The following WFDC5 variants were observed in gnomAD, a reference collection of about 807,000 sequenced individuals.
The protein encoded by WFDC5 is WAP four-disulfide core domain 5.
In WFDC5, 15 loss-of-function variants were observed where a neutral mutation model predicts 15.7. The observed-to-expected ratio is 0.96, with a 90% confidence interval of 0.64 to 1.47. The LOEUF (loss-of-function observed/expected upper bound fraction) is 1.47. WFDC5 is among the 40% of genes most tolerant of loss of function. The probability of loss-of-function intolerance (pLI) is 0.00; values close to 1 mark genes in which losing one functional copy is unlikely to be tolerated. For missense variants in WFDC5, 280 were observed against 258.0 expected, an observed-to-expected ratio of 1.09 and a Z score of -0.59; for synonymous variants, 109 against 107.7, an observed-to-expected ratio of 1.01 and a Z score of -0.07.
chr20:45,110,822 A>G (rs1216662992), intron 1 of WFDC5, 47 bp from the exon 2 acceptor site: 1 of 1,609,736 alleles, frequency 6.2e-7, no homozygotes, highest in African/African-American at 1.3e-5. Flanking sequence ...GCTCACGGTT[A>G]TGTAATAAGC....
At chr20:45,110,740 A>G (rs748573274) in exon 2 of WFDC5, 10 of 1,613,684 alleles carry the variant, frequency 6.2e-6, no homozygotes, top group Non-Finnish European at 6.8e-6. Flanking sequence ...GATAGGAGGC[A>G]GGGCCCATCA....
At chr20:45,110,050 T>A in intron 3 of WFDC5, 37 bp from the exon 4 acceptor site, 1 of 1,600,754 alleles carries the variant, frequency 6.2e-7, no homozygotes. Flanking sequence ...TTCCTTCCCA[T>A]AATAGGGCTC....
chr20:45,115,737 A>G (rs1030125295), upstream of WFDC5, among the ~76,000 whole-genome samples: 3 of 152,062 alleles, frequency 2.0e-5, no homozygotes, highest in African/African-American at 7.2e-5. Flanking sequence ...GTGGGGGAGC[A>G]TGGCTTTTGG....
In WFDC5 at chr20:45,109,790, C is replaced by G. The variant is rs956593088; in HGVS notation, c.617G>C (p.Gly206Ala). 23 of 731,568 alleles carry G rather than the reference C, an allele frequency of 3.1e-5. No individual in the cohort carries two copies. The African/African-American group carries it at 3.3e-4, about 11-fold the overall frequency. 45.3% of individuals were successfully genotyped at this position (731,568 alleles called of 1,614,324 possible). The stretch of plus-strand genomic sequence containing the variant: ...GCAGAGTACTGGGGTGATACAGAGG[C>G]CTTCCTCCGAGCTCAGGCTATGGAC... Residue 206 changes from glycine (G) to alanine (A), a missense_variant, in exon 4 of 4, where the codon GGC becomes GCC. By Grantham distance (60) the Gly-to-Ala change is moderately conservative. Coordinates refer to ENST00000307971, the Ensembl canonical transcript of WFDC5.
At chr20:45,110,377 C>A in exon 3 of WFDC5, 1 of 1,581,534 alleles carries the variant, frequency 6.3e-7, no homozygotes, top group Non-Finnish European at 8.6e-7. Flanking sequence ...GAGGCACCTG[C>A]CCTGGGCACC....
chr20:45,109,898 C>T lies in WFDC5; in HGVS notation c.509G>A (p.Trp170Ter). The T allele has an allele frequency of 6.8e-7, 1 of 1,467,192 alleles. No homozygotes were observed. Among genetic ancestry groups the T allele is most frequent in the Admixed American group, 1.7e-5 (1 of 59,512 alleles). 90.9% of individuals were successfully genotyped at this position (1,467,192 alleles called of 1,614,324 possible). A position where few individuals can be genotyped will look rare whatever the true frequency, so the allele number is the denominator to read the frequency against. ...CCAGTGATTATCAGAAGGCTGGAAC[C>T]ACCGCTGGTAGAGATAGTGCTGTCC... The change falls in exon 4 of 4, where the codon TGG (tryptophan) becomes TAG (stop). Residue 170 changes from tryptophan (W) to a stop codon, truncating the protein, a stop_gained. Transcript: ENST00000307971. LOFTEE classifies it low-confidence loss of function (END_TRUNC).
chr20:45,115,154 CT>C, exon 1 of WFDC5: 1 of 1,478,110 alleles, frequency 6.8e-7, no homozygotes, highest in Non-Finnish European at 9.2e-7. Context: ...GCCAGAGAAA[CT>C]TAGTCAGGAG....
exon 1 of WFDC5, chr20:45,115,148 G>A: frequency 1.3e-6 from 2 of 1,499,590 alleles, no homozygotes; most frequent in East Asian, 2.3e-5. Context: ...AGGGAAGCCA[G>A]AGAAACTTAG....
intron 1 of WFDC5, among the ~76,000 whole-genome samples, chr20:45,114,460 C>A (rs1367038371): frequency 1.3e-5 from 2 of 152,106 alleles, no homozygotes; most frequent in Admixed American, 1.3e-4. Flanking sequence ...CACACCCTCT[C>A]CTCAATTCCC....
Position 45,110,250 on chromosome 20 carries a change from C to A in WFDC5, c.393+124G>T, listed in dbSNP as rs1231152372. The A allele has an allele frequency of 2.2e-6, 3 of 1,373,680 alleles. No individual in the cohort carries two copies. The African/African-American group carries it at 4.3e-5, about 20-fold the overall frequency. 85.1% of individuals were successfully genotyped at this position (1,373,680 alleles called of 1,614,324 possible). On this transcript the variant is annotated intron_variant, in intron 3 of 3. Coordinates refer to ENST00000307971, the Ensembl canonical transcript of WFDC5. ...CGGGTCCTCTGTCATCCTAGCAGGA[C>A]TCCTCCAACCCCTATCCAGTTTCCT...
chr20:45,113,934 A>T (rs916877702), intron 1 of WFDC5, among the ~76,000 whole-genome samples: 26 of 152,176 alleles, frequency 1.7e-4, no homozygotes, highest in Non-Finnish European at 1.5e-5. Flanking sequence ...TTGCTGTAAT[A>T]GTTGGTAAGG....
chr20:45,112,020 C>T (rs1981634196), intron 1 of WFDC5, among the ~76,000 whole-genome samples: 1 of 152,200 alleles, frequency 6.6e-6, no homozygotes, highest in Admixed American at 6.5e-5. Flanking sequence ...GTGCTGGCTG[C>T]ACACATAAGT....
At chr20:45,113,293 G>C (rs1041022362) in intron 1 of WFDC5, among the ~76,000 whole-genome samples, 1 of 152,170 alleles carries the variant, frequency 6.6e-6, no homozygotes, top group Non-Finnish European at 1.5e-5. Context: ...CCTTGGCTTC[G>C]TCACCTTCCT....
chr20:45,110,797 T>C (rs755003487), intron 1 of WFDC5, 22 bp from the exon 2 acceptor site: 1 of 1,613,070 alleles, frequency 6.2e-7, no homozygotes, highest in Admixed American at 1.7e-5. Flanking sequence ...TCTCCTAATA[T>C]TGCAGCTGGA....
chr20:45,110,711 C>A, exon 2 of WFDC5: 1 of 1,614,188 alleles, frequency 6.2e-7, no homozygotes, highest in Non-Finnish European at 8.5e-7. Context: ...GGCTGTCTTC[C>A]ACGCACTGGT....
chr20:45,110,300 C>T (rs1233420253), intron 3 of WFDC5, 100 bp downstream of exon 3: 3 of 1,521,386 alleles, frequency 2.0e-6, no homozygotes, highest in African/African-American at 2.8e-5. Flanking sequence ...GAGGTCCTGA[C>T]TTCTGGGGAG....
intron 1 of WFDC5, among the ~76,000 whole-genome samples, chr20:45,111,843 G>T (rs1981629219): frequency 6.6e-6 from 1 of 152,164 alleles, no homozygotes; most frequent in South Asian, 2.1e-4. Context: ...TCTGACCTCT[G>T]TGAGTGTCCA....
At chr20:45,114,226 G>T (rs548763841) in intron 1 of WFDC5, among the ~76,000 whole-genome samples, 1 of 152,262 alleles carries the variant, frequency 6.6e-6, no homozygotes, top group South Asian at 2.1e-4. Flanking sequence ...GCAGGGCAAG[G>T]GTTGCACAGG....
At chr20:45,112,119 G>A (rs1244929645) in intron 1 of WFDC5, among the ~76,000 whole-genome samples, 1 of 152,086 alleles carries the variant, frequency 6.6e-6, no homozygotes, top group Non-Finnish European at 1.5e-5. Context: ...CCCTGCTGGA[G>A]AAAGAGAGGC....
Sources: gnomAD v4.1 joint callset for allele counts (sites outside exome capture counted in the v4.1 genomes callset) on GRCh38, gnomAD v4.1.1 for gene constraint, MANE v1.5 for transcripts, NCBI Gene and HGNC (gene_info 2026-07-23, HGNC 2026-07-21) for gene names.